The following ATRIP variants were observed in gnomAD, a reference collection of about 807,000 sequenced individuals.
The protein encoded by ATRIP is ATR interacting protein.
A neutral mutation model predicts 78.1 loss-of-function variants in ATRIP; 44 were observed. That is an observed-to-expected ratio of 0.56 (90% CI 0.44 to 0.72). The LOEUF is 0.72. ATRIP is among the 30% of genes least tolerant of loss of function. The pLI, the probability that ATRIP is intolerant of heterozygous loss-of-function variation, is 0.00. For missense variants in ATRIP, 927 were observed against 980.2 expected (o/e 0.95, Z 0.72); for synonymous variants, 388 against 408.9 (o/e 0.95, Z 0.62).
chr3:48,449,679 A>G (rs1485781521), intron 1 of ATRIP, among the ~76,000 whole-genome samples: 1 of 150,550 alleles, frequency 6.6e-6, no homozygotes, highest in Non-Finnish European at 1.5e-5. Flanking sequence ...TGTAATCCCA[A>G]CACTTTGGGA....
intron 1 of ATRIP, among the ~76,000 whole-genome samples, chr3:48,449,431 AAAAG>A (rs1450778086): frequency 4.0e-5 from 6 of 150,578 alleles, no homozygotes; most frequent in East Asian, 3.9e-4. Context: ...AAAAAAAAAA[AAAAG>A]AAGGATCATT....
At chr3:48,465,166 C>G in intron 12 of ATRIP, 83 bp downstream of exon 12, 4 of 1,527,550 alleles carry the variant, frequency 2.6e-6, no homozygotes, top group Non-Finnish European at 3.5e-6. Flanking sequence ...TGGGTGTCCC[C>G]TCAGCAGGCC....
intron 1 of ATRIP, among the ~76,000 whole-genome samples, chr3:48,449,281 G>T (rs2039766839): frequency 6.6e-6 from 1 of 151,894 alleles, no homozygotes; most frequent in South Asian, 2.1e-4. Flanking sequence ...GGGCGTGGTA[G>T]CACACGCCTG....
chr3:48,446,770 G>C lies in ATRIP; in HGVS notation c.-76G>C. 1.2e-5 allele frequency: 16 copies of C among 1,334,266 alleles called. No individual in the cohort carries two copies. The highest frequency in any genetic ancestry group is 1.5e-5 in the African/African-American group (1 of 66,070). The allele number at this position is 1,334,266 out of a possible 1,614,324, so 82.7% of individuals were successfully genotyped here. ...CGGAGGCAAGCGGCGGCGCGCGGAC[G>C]GTTGGTCCAGTTCTCCGGCCTGGCG... On this transcript the variant is annotated 5_prime_UTR_variant, in exon 1 of 13. Coordinates refer to ENST00000320211, the MANE Select transcript of ATRIP (RefSeq NM_130384.3).
chr3:48,460,125 G>A lies in ATRIP; in HGVS notation c.1071G>A (p.Met357Ile). The change falls in exon 8 of 13, where the codon ATG (methionine) becomes ATA (isoleucine). Residue 357 changes from methionine to isoleucine, a missense_variant. By Grantham distance (10) the Met-to-Ile change is conservative (BLOSUM62 1). Coordinates refer to ENST00000320211, the MANE Select transcript of ATRIP (RefSeq NM_130384.3). ...PPGFGSTLAG[M>I]SGLRTTGSYD... Reference sequence around the variant, plus strand: ...TTGTTGCCAGTACCTTGGCTGGAATGTCAGGCCTCAGGACCACAGGTTCTT... The same window carrying A: ...TTGTTGCCAGTACCTTGGCTGGAATATCAGGCCTCAGGACCACAGGTTCTT... 6.2e-7 allele frequency: 1 copy of A among 1,611,574 alleles called. No individual in the cohort carries two copies. Among genetic ancestry groups the A allele is most frequent in the Non-Finnish European group, 8.5e-7 (1 of 1,178,842 alleles).
intron 2 of ATRIP, 104 bp downstream of exon 2, chr3:48,450,274 T>G: frequency 7.2e-7 from 1 of 1,381,472 alleles, no homozygotes; most frequent in Non-Finnish European, 9.8e-7. Context: ...GTGTCTAGAT[T>G]CATCCCTATG....
At chr3:48,453,476 C>CT (rs2039882599) in intron 3 of ATRIP, among the ~76,000 whole-genome samples, 1 of 152,208 alleles carries the variant, frequency 6.6e-6, no homozygotes, top group Non-Finnish European at 1.5e-5. Context: ...AAGGTAATAA[C>CT]TTAAGCTCCC....
chr3:48,460,307 A>T lies in ATRIP; in HGVS notation c.1253A>T (p.His418Leu). 6.2e-7 allele frequency: 1 copy of T among 1,613,928 alleles called. No individual in the cohort carries two copies. The highest frequency in any genetic ancestry group is 2.2e-5 in the East Asian group (1 of 44,872). The change falls in exon 8 of 13, where the codon CAT (histidine) becomes CTT (leucine). Residue 418 changes from histidine to leucine, a missense_variant. His to Leu is a moderately conservative substitution (Grantham distance 99). Transcript: ENST00000320211. The part of the protein sequence containing the change: ...FPLCQLPGAV[H>L]FLPLVQFFIG... ...CTCTGCCAGCTTCCTGGAGCCGTGC[A>T]TTTCCTCCCCCTTGTACAGTTCTTC... is the stretch of plus-strand genomic sequence containing the variant.
chr3:48,447,324 T>C (rs1560100346), intron 1 of ATRIP: 3 of 1,217,138 alleles, frequency 2.5e-6, no homozygotes, highest in Non-Finnish European at 3.1e-6. Context: ...AAGTTGACAT[T>C]TTACGTTATT....
intron 3 of ATRIP, 109 bp from the exon 4 acceptor site, chr3:48,454,191 C>T: frequency 1.5e-6 from 1 of 673,014 alleles, no homozygotes; most frequent in South Asian, 1.7e-5. Context: ...AGCAGACTTT[C>T]ATATGTATTT....
chr3:48,446,753 A>C lies in ATRIP; in HGVS notation c.-93A>C, dbSNP rs535759859. The C allele has an allele frequency of 1.1e-5, 14 of 1,313,718 alleles. No homozygotes were observed. In the East Asian group the frequency reaches 3.5e-4, roughly 33 times the overall value. The allele number at this position is 1,313,718 out of a possible 1,614,324, so 81.4% of individuals were successfully genotyped here. A position where few individuals can be genotyped will look rare whatever the true frequency, so the allele number is the denominator to read the frequency against. On this transcript the variant is annotated 5_prime_UTR_variant, in exon 1 of 13. Coordinates refer to ENST00000320211, the MANE Select transcript of ATRIP (RefSeq NM_130384.3). ...GGGCGGGGCACTCGCGGCGGAGGCA[A>C]GCGGCGGCGCGCGGACGGTTGGTCC...
At chr3:48,451,603 A>C in intron 2 of ATRIP, 126 bp from the exon 3 acceptor site, 1 of 729,118 alleles carries the variant, frequency 1.4e-6, no homozygotes, top group South Asian at 2.1e-5. Context: ...TGCTGTGGAT[A>C]TATTTTGAGT....
intron 8 of ATRIP, among the ~76,000 whole-genome samples, chr3:48,462,054 A>C (rs1303982392): frequency 6.6e-6 from 1 of 151,998 alleles, no homozygotes; most frequent in Non-Finnish European, 1.5e-5. Flanking sequence ...CAGGCTGGGC[A>C]CAGTGGCTCC....
chr3:48,451,971 A>C (rs982663940), intron 3 of ATRIP, 72 bp downstream of exon 3: 100 of 1,413,700 alleles, frequency 7.1e-5, no homozygotes, highest in Non-Finnish European at 9.4e-5. Context: ...TTGCCTGTAA[A>C]TCTTCCAGGG....
In ATRIP at chr3:48,464,841, C is replaced by A. The variant is rs1393192200; in HGVS notation, c.2066C>A (p.Ala689Glu). 6.2e-7 allele frequency: 1 copy of A among 1,610,506 alleles called. No individual in the cohort carries two copies. Among genetic ancestry groups the A allele is most frequent in the South Asian group, 1.1e-5 (1 of 90,900 alleles). The change falls in exon 12 of 13, where the codon GCG (alanine) becomes GAG (glutamate). Residue 689 changes from alanine (A) to glutamate (E), a missense_variant. By Grantham distance (107) the Ala-to-Glu change is moderately radical. Coordinates refer to ENST00000320211, the MANE Select transcript of ATRIP (RefSeq NM_130384.3). ...CCCCCCCTCTCTCAGGTGGTCAGAG[C>A]GCTCACGGTGATGTTGCACAGACAG... ...NCQCNVEVVR[A>E]LTVMLHRQWL...
chr3:48,449,828 C>T (rs922345954), intron 1 of ATRIP, among the ~76,000 whole-genome samples: 1 of 142,834 alleles, frequency 7.0e-6, no homozygotes, highest in African/African-American at 2.6e-5. Flanking sequence ...GTCCCAGCTA[C>T]ACAGGAGGCT....
At chr3:48,451,964 C>T in intron 3 of ATRIP, 65 bp downstream of exon 3, 3 of 1,451,918 alleles carry the variant, frequency 2.1e-6, no homozygotes, top group Non-Finnish European at 2.8e-6. Flanking sequence ...ACCAGGGTTG[C>T]CTGTAAATCT....
intron 11 of ATRIP, 83 bp downstream of exon 11, chr3:48,464,745 C>A: frequency 6.2e-7 from 1 of 1,607,346 alleles, no homozygotes; most frequent in Non-Finnish European, 8.5e-7. Context: ...TGCAAACCCC[C>A]TCACGTGAGG....
intron 6 of ATRIP, 72 bp from the exon 7 acceptor site, chr3:48,459,715 C>G: frequency 2.5e-6 from 4 of 1,570,884 alleles, no homozygotes; most frequent in Middle Eastern, 3.4e-4. Context: ...AGAATCCTTA[C>G]TGTTTCCTTC....
Sources: allele counts gnomAD v4.1 joint callset (sites outside exome capture counted in the v4.1 genomes callset), GRCh38; gene constraint gnomAD v4.1.1; transcripts MANE v1.5; gene names NCBI Gene and HGNC (gene_info 2026-07-23, HGNC 2026-07-21).